The following EYS variants were observed in gnomAD, a reference collection of about 807,000 sequenced individuals.
The protein encoded by EYS is EGF-like photoreceptor maintenance factor, also known as protein eyes shut homolog.
A neutral mutation model predicts 282.1 loss-of-function variants in EYS; 250 were observed. The ratio of observed to expected loss-of-function variants is 0.89; its 90% CI spans 0.80 to 0.98. The LOEUF is 0.98. Among genes scored for constraint, EYS ranks in the 50% least tolerant of loss-of-function variants. EYS has a pLI of 0.00. For missense variants in EYS, 4,016 were observed against 3,709.0 expected, an observed-to-expected ratio of 1.08 and a Z score of -2.15; for synonymous variants, 1,355 against 1,282.9, an observed-to-expected ratio of 1.06 and a Z score of -1.20.
At chr6:65,373,963 T>TG (rs1413415089) in intron 8 of EYS, among the ~76,000 whole-genome samples, 3 of 152,192 alleles carry the variant, frequency 2.0e-5, no homozygotes, top group Non-Finnish European at 4.4e-5. Flanking sequence ...AATTTTCCTT[T>TG]GTGATACAGA....
intron 31 of EYS, among the ~76,000 whole-genome samples, chr6:64,094,683 G>T (rs949004494): frequency 6.6e-6 from 1 of 151,966 alleles, no homozygotes; most frequent in African/African-American, 2.4e-5. Context: ...GTCTATCAAT[G>T]TTGTTGATCT....
intron 28 of EYS, among the ~76,000 whole-genome samples, chr6:64,427,697 G>C (rs974137289): frequency 8.5e-5 from 13 of 152,056 alleles, no homozygotes; most frequent in Non-Finnish European, 1.9e-4. Context: ...TGATTCTGAA[G>C]TCATCTAAAT....
intron 15 of EYS, among the ~76,000 whole-genome samples, chr6:64,929,191 C>A (rs1299610925): frequency 6.6e-6 from 1 of 152,036 alleles, no homozygotes; most frequent in Non-Finnish European, 1.5e-5. Flanking sequence ...GATAGGCCCT[C>A]ACACAGGAAG....
intron 5 of EYS, among the ~76,000 whole-genome samples, chr6:65,479,045 A>G (rs932636593): frequency 5.3e-5 from 8 of 149,896 alleles, no homozygotes; most frequent in Non-Finnish European, 1.0e-4. Flanking sequence ...ACTAAAATGA[A>G]TAGAGCCTCA....
At chr6:65,322,761 A>G (rs1769508716) in intron 11 of EYS, among the ~76,000 whole-genome samples, 1 of 146,898 alleles carries the variant, frequency 6.8e-6, no homozygotes, top group African/African-American at 2.6e-5. Context: ...GTGCCACTGC[A>G]CTCCAGCCCA....
rs577052114 is a variant in EYS at position 65,498,769 on chromosome 6, A to G, written c.-332-2776T>C. On this transcript the variant is annotated intron_variant, in intron 2 of 42. Transcript: ENST00000503581. ...GAACTAGAGTAATATAAACATTATA[A>G]ATTTGAAAAAGGTGATGTAATTTTG... Among the ~76,000 whole-genome samples the G allele has an allele frequency of 6.6e-5, 10 of 152,098 alleles. 1 individual carries two copies. The highest frequency in any genetic ancestry group is 2.4e-4 in the African/African-American group (10 of 41,532).
intron 22 of EYS, among the ~76,000 whole-genome samples, chr6:64,635,856 T>G (rs968560805): frequency 2.0e-5 from 3 of 152,196 alleles, no homozygotes; most frequent in Non-Finnish European, 2.9e-5. Context: ...TTAGGGAGGA[T>G]TCCCGCTTTT....
intron 15 of EYS, among the ~76,000 whole-genome samples, chr6:64,944,839 G>A (rs1769221374): frequency 6.6e-6 from 1 of 152,080 alleles, no homozygotes; most frequent in African/African-American, 2.4e-5. Flanking sequence ...ATGCTGCCTT[G>A]TTATTCTTTA....
chr6:65,376,064 C>A (rs1765352604), intron 8 of EYS, among the ~76,000 whole-genome samples: 2 of 152,026 alleles, frequency 1.3e-5, no homozygotes, highest in South Asian at 4.1e-4. Context: ...AACCCCAAGA[C>A]AAATAATTCT....
intron 12 of EYS, among the ~76,000 whole-genome samples, chr6:65,076,684 AC>A (rs1363749254): frequency 1.2e-5 from 1 of 81,362 alleles, no homozygotes; most frequent in Non-Finnish European, 3.1e-5. Flanking sequence ...ATAAATATAT[AC>A]ACACACACAC....
intron 5 of EYS, among the ~76,000 whole-genome samples, chr6:65,458,445 T>G (rs1461733738): frequency 6.6e-6 from 1 of 152,062 alleles, no homozygotes; most frequent in Non-Finnish European, 1.5e-5. Context: ...GAATATCCCA[T>G]GAGAATCCTA....
At chr6:64,585,620 G>C (rs997027414) in intron 26 of EYS, among the ~76,000 whole-genome samples, 9 of 152,110 alleles carry the variant, frequency 5.9e-5, no homozygotes, top group Admixed American at 2.0e-4. Context: ...CTTTCTCTAT[G>C]GACTCACAAT....
At chr6:65,475,744 G>GACACACACAC (rs1219245539) in intron 5 of EYS, among the ~76,000 whole-genome samples, 1 of 130,356 alleles carries the variant, frequency 7.7e-6, no homozygotes, top group African/African-American at 2.9e-5. Context: ...CTGACAGACA[G>GACACACACAC]ACAGACAGAC....
intron 12 of EYS, among the ~76,000 whole-genome samples, chr6:65,080,730 GAAATGA>G (rs958364135): frequency 6.6e-6 from 1 of 151,884 alleles, no homozygotes; most frequent in Non-Finnish European, 1.5e-5. Flanking sequence ...TAAAAAAAAA[GAAATGA>G]AAATGAAAAC....
intron 12 of EYS, among the ~76,000 whole-genome samples, chr6:65,292,710 C>G (rs368324888): frequency 1.2e-4 from 18 of 151,608 alleles, no homozygotes; most frequent in African/African-American, 4.4e-4. Context: ...TAGGTTCCAG[C>G]TGAAATGCAA....
intron 28 of EYS, among the ~76,000 whole-genome samples, chr6:64,427,145 T>TA (rs1774437205): frequency 6.6e-6 from 1 of 152,158 alleles, no homozygotes; most frequent in Non-Finnish European, 1.5e-5. Context: ...TTAGTTCCCT[T>TA]AAAAAATAAA....
chr6:65,029,631 C>T (rs944935075), intron 13 of EYS, among the ~76,000 whole-genome samples: 11 of 151,914 alleles, frequency 7.2e-5, no homozygotes, highest in East Asian at 3.9e-4. Context: ...CCTCCTCCTC[C>T]GAGGTCTATT....
chr6:65,577,370 G>T (rs151267837), intron 2 of EYS, among the ~76,000 whole-genome samples: 19 of 151,790 alleles, frequency 1.3e-4, no homozygotes, highest in Non-Finnish European at 2.4e-4. Context: ...GAGAAAACTG[G>T]ATATCCCTAT....
chr6:64,913,909 TA>T (rs1307729282), intron 15 of EYS, among the ~76,000 whole-genome samples: 18 of 152,040 alleles, frequency 1.2e-4, no homozygotes, highest in Non-Finnish European at 2.1e-4. Flanking sequence ...AGCAAACAAA[TA>T]AAAAATAAAG....
Sources: allele counts gnomAD v4.1 joint callset (sites outside exome capture counted in the v4.1 genomes callset), GRCh38; gene constraint gnomAD v4.1.1; transcripts MANE v1.5; gene names NCBI Gene and HGNC (gene_info 2026-07-23, HGNC 2026-07-21).